OPRM1: variants seen among roughly 807,000 people sequenced by gnomAD.
OPRM1 encodes the protein mu-type opioid receptor.
Under a neutral mutation model 31.8 loss-of-function variants are expected in OPRM1, and 27 were observed. The ratio of observed to expected loss-of-function variants is 0.85; its 90% CI spans 0.63 to 1.17. OPRM1 has a LOEUF of 1.17. Ranked by LOEUF, OPRM1 falls within the 50% of genes most tolerant of loss-of-function variation. The probability of loss-of-function intolerance (pLI) is 0.00; values close to 1 mark genes in which losing one functional copy is unlikely to be tolerated. For synonymous variants in OPRM1, 196 were observed against 189.9 expected (o/e 1.03, Z -0.26); for missense variants, 536 against 511.1 (o/e 1.05, Z -0.47).
At chr6:154,225,483 C>A (rs1779177371) in intron 3 of OPRM1, among the ~76,000 whole-genome samples, 1 of 152,092 alleles carries the variant, frequency 6.6e-6, no homozygotes, top group Non-Finnish European at 1.5e-5. Flanking sequence ...TGAAAGAAAC[C>A]AGACACAAAA....
intron 1 of OPRM1, among the ~76,000 whole-genome samples, chr6:154,061,809 TA>T (rs1214637839): frequency 3.4e-5 from 5 of 145,934 alleles, no homozygotes; most frequent in Admixed American, 2.0e-4. Context: ...ATGTACTCCC[TA>T]AAAAAAAATA....
At chr6:154,104,314 A>G (rs1451348358) in intron 3 of OPRM1, among the ~76,000 whole-genome samples, 1 of 152,250 alleles carries the variant, frequency 6.6e-6, no homozygotes, top group East Asian at 1.9e-4. Flanking sequence ...TCCTACACAA[A>G]GAATATAATA....
intron 3 of OPRM1, among the ~76,000 whole-genome samples, chr6:154,105,436 A>G (rs1795436286): frequency 6.6e-6 from 1 of 152,206 alleles, no homozygotes; most frequent in Non-Finnish European, 1.5e-5. Context: ...TGTCTTCATG[A>G]GTTCTGAAAG....
At chr6:154,083,421 G>A (rs950326097) in intron 1 of OPRM1, 2 of 152,174 alleles carry the variant, frequency 1.3e-5, no homozygotes, top group Admixed American at 6.5e-5. Context: ...ATTTTCCTCT[G>A]ATATTTTAAG....
intron 3 of OPRM1, among the ~76,000 whole-genome samples, chr6:154,214,737 A>G (rs916150332): frequency 1.3e-5 from 2 of 152,246 alleles, no homozygotes; most frequent in Non-Finnish European, 2.9e-5. Flanking sequence ...TTTTATGTCA[A>G]TCAGTAAAAA....
chr6:154,014,666 A>G (rs1777908237), intron 1 of OPRM1, among the ~76,000 whole-genome samples: 1 of 152,118 alleles, frequency 6.6e-6, no homozygotes, highest in South Asian at 2.1e-4. Context: ...GAGCACAGAT[A>G]TCCTTTCATT....
intron 3 of OPRM1, among the ~76,000 whole-genome samples, chr6:154,210,780 AT>A (rs959874638): frequency 6.6e-6 from 1 of 152,226 alleles, no homozygotes; most frequent in African/African-American, 2.4e-5. Flanking sequence ...TCAAAGTTTA[AT>A]TTTATTTATA....
rs536167821 is a variant in OPRM1, at chr6:154,033,012, A to G, written c.1-6149A>G. The stretch of plus-strand genomic sequence containing the variant: ...ATCTATCAGTATATAGGTTAAAATC[A>G]AGACAAGAATGATTTGAGATTACTT... On this transcript the variant is annotated intron_variant, in intron 1 of 5. Coordinates refer to the OPRM1 transcript ENST00000434900. Among the ~76,000 whole-genome samples, 5 of 152,362 alleles carry G rather than the reference A, an allele frequency of 3.3e-5. No homozygotes were observed. The South Asian group carries it at 1.0e-3, about 32-fold the overall frequency.
intron 1 of OPRM1, chr6:154,074,348 C>A (rs571839763): frequency 6.6e-6 from 1 of 152,266 alleles, no homozygotes; most frequent in East Asian, 1.9e-4. Flanking sequence ...AATAAACGAA[C>A]AAATTGGAAA....
At position 154,121,717 on chromosome 6, in the gene OPRM1, G is replaced by A. The variant is rs1035263070; in HGVS notation, c.*2996G>A. Among the ~76,000 whole-genome samples, 2 of 152,108 alleles carry A rather than the reference G, an allele frequency of 1.3e-5. No homozygotes were observed. Among genetic ancestry groups the A allele is most frequent in the African/African-American group, 4.8e-5 (2 of 41,428 alleles). On this transcript the variant is annotated 3_prime_UTR_variant, in exon 4 of 4. Coordinates refer to ENST00000330432, the MANE Select transcript of OPRM1 (RefSeq NM_000914.5). ...TTTACATCTCAGGATCCAGGCAAAAGTTGAAATTCAGAAACATAGATATGA... is the reference window on the plus strand; with the variant it reads ...TTTACATCTCAGGATCCAGGCAAAAATTGAAATTCAGAAACATAGATATGA...
chr6:154,073,714 T>A (rs1411780383), intron 1 of OPRM1: 1 of 152,282 alleles, frequency 6.6e-6, no homozygotes, highest in East Asian at 1.9e-4. Context: ...GACTTTAAAA[T>A]AAGTCATATC....
chr6:154,107,479 G>T, intron 3 of OPRM1: 1 of 718,482 alleles, frequency 1.4e-6, no homozygotes. Context: ...AATTGAACCT[G>T]GACTGTCACT....
At chr6:154,212,744 A>G (rs1778066703) in intron 3 of OPRM1, 1 of 1,488,348 alleles carries the variant, frequency 6.7e-7, no homozygotes, top group Non-Finnish European at 9.4e-7. Context: ...ATCGATGACC[A>G]ACAGACTACT....
chr6:154,160,151 C>G (rs1798888168), intron 3 of OPRM1: 1 of 792,422 alleles, frequency 1.3e-6, no homozygotes, highest in Admixed American at 3.1e-5. Flanking sequence ...ATTACCAAAG[C>G]ATTTTTGCAC....
rs1797195867 is a variant in OPRM1, at chr6:154,119,654, T to A, written c.*933T>A. Among the ~76,000 whole-genome samples, 2 of 152,230 alleles carry A rather than the reference T, an allele frequency of 1.3e-5. No individual in the cohort carries two copies. Among genetic ancestry groups the A allele is most frequent in the Non-Finnish European group, 2.9e-5 (2 of 68,036 alleles). ...CTCAGCTCAGAATCCTTATGCCTTT[T>A]GAATCAGTGTGATAAAATGACAGAT... On this transcript the variant is annotated 3_prime_UTR_variant, in exon 4 of 4. Coordinates refer to ENST00000330432, the MANE Select transcript of OPRM1 (RefSeq NM_000914.5).
intron 3 of OPRM1, among the ~76,000 whole-genome samples, chr6:154,184,728 A>C (rs1367388390): frequency 6.6e-6 from 1 of 150,590 alleles, no homozygotes; most frequent in Non-Finnish European, 1.5e-5. Flanking sequence ...ACATGTTAGC[A>C]TTGGGAAAAT....
chr6:154,176,783 A>G (rs1232950725), intron 3 of OPRM1, among the ~76,000 whole-genome samples: 1 of 152,148 alleles, frequency 6.6e-6, no homozygotes, highest in Non-Finnish European at 1.5e-5. Context: ...GCTCCCACTG[A>G]CTCTTCACAG....
chr6:154,021,001 A>G (rs941152292), intron 1 of OPRM1, among the ~76,000 whole-genome samples: 12 of 152,214 alleles, frequency 7.9e-5, no homozygotes, highest in Admixed American at 7.9e-4. Flanking sequence ...TTCATCAATC[A>G]TGCCTTTGGT....
chr6:154,246,797 C>A (rs199565541), exon 4 of OPRM1: 21 of 1,600,284 alleles, frequency 1.3e-5, no homozygotes, highest in Admixed American at 1.7e-5. Context: ...TAATGTATTA[C>A]CCTGATTTGG....
Sources: allele counts gnomAD v4.1 joint callset (sites outside exome capture counted in the v4.1 genomes callset), GRCh38; gene constraint gnomAD v4.1.1; transcripts MANE v1.5; gene names NCBI Gene and HGNC (gene_info 2026-07-23, HGNC 2026-07-21).